DNAH10: variants seen among roughly 807,000 people sequenced by gnomAD.
The protein encoded by DNAH10 is dynein axonemal heavy chain 10, also known as axonemal beta dynein heavy chain 10.
A neutral mutation model predicts 506.6 loss-of-function variants in DNAH10; 348 were observed. That is an observed-to-expected ratio of 0.69 (90% CI 0.63 to 0.75). The LOEUF is 0.75. DNAH10 is among the 30% of genes least tolerant of loss of function. The probability of loss-of-function intolerance (pLI) is 0.00; values close to 1 mark genes in which losing one functional copy is unlikely to be tolerated. For synonymous variants in DNAH10, 2,059 were observed against 2,198.6 expected (o/e 0.94, Z 1.78); for missense variants, 5,179 against 5,787.1 (o/e 0.89, Z 3.41).
chr12:123,861,041 T>C lies in DNAH10; in HGVS notation c.6779T>C (p.Leu2260Pro). 1 of 1,613,990 alleles carries C rather than the reference T, an allele frequency of 6.2e-7. No individual in the cohort carries two copies. Among genetic ancestry groups the C allele is most frequent in the Non-Finnish European group, 8.5e-7 (1 of 1,179,892 alleles). Residue 2260 changes from leucine to proline, a missense_variant, in exon 39 of 79, where the codon CTG (leucine) becomes CCG (proline). Physicochemically the swap from Leu to Pro is moderately conservative, Grantham distance 98. Coordinates refer to ENST00000673944, the MANE Select transcript of DNAH10 (RefSeq NM_001372106.1). ...KLGLTTKLYI[L>P]NPKAVSVIEL... ...GGGCTGACGACAAAGTTGTACATCC[T>C]GAACCCCAAAGCCGTGAGTGTCATA...
At chr12:123,915,093 C>T in intron 62 of DNAH10, 94 bp downstream of exon 62, 2 of 1,433,914 alleles carry the variant, frequency 1.4e-6, no homozygotes, top group Middle Eastern at 2.3e-4. Flanking sequence ...TCCCTAGCCT[C>T]AGCGAGGCTG....
intron 57 of DNAH10, chr12:123,908,510 A>G: frequency 2.2e-6 from 1 of 456,020 alleles, no homozygotes; most frequent in Admixed American, 2.3e-5. Flanking sequence ...GTGGTCTGGG[A>G]GACTCCTGTG....
chr12:123,771,174 T>C (rs979149298), intron 2 of DNAH10, among the ~76,000 whole-genome samples: 2 of 152,152 alleles, frequency 1.3e-5, no homozygotes, highest in East Asian at 3.8e-4. Flanking sequence ...GTTGCCATGC[T>C]GGCCAGGCTG....
intron 52 of DNAH10, among the ~76,000 whole-genome samples, chr12:123,891,547 G>A (rs1357676339): frequency 1.3e-5 from 2 of 152,070 alleles, no homozygotes; most frequent in Non-Finnish European, 2.9e-5. Flanking sequence ...GGTGGAAGAG[G>A]AACGAGCAGA....
At chr12:123,835,788 C>G (rs574923554) in intron 28 of DNAH10, among the ~76,000 whole-genome samples, 1 of 152,228 alleles carries the variant, frequency 6.6e-6, no homozygotes, top group Admixed American at 6.5e-5. Flanking sequence ...CCATGCTCAG[C>G]TAATTAAAAC....
At chr12:123,844,226 G>A (rs1019467590) in intron 30 of DNAH10, among the ~76,000 whole-genome samples, 3 of 152,074 alleles carry the variant, frequency 2.0e-5, no homozygotes, top group Non-Finnish European at 2.9e-5. Flanking sequence ...GAACAGCATG[G>A]GGAAACCGCC....
chr12:123,864,553 G>T, intron 39 of DNAH10, 42 bp from the exon 40 acceptor site: 1 of 1,582,994 alleles, frequency 6.3e-7, no homozygotes, highest in South Asian at 1.2e-5. Flanking sequence ...ATAATTGGAA[G>T]CTCTCTAGGA....
At chr12:123,891,691 C>T (rs1378936032) in intron 52 of DNAH10, among the ~76,000 whole-genome samples, 1 of 152,124 alleles carries the variant, frequency 6.6e-6, no homozygotes, top group African/African-American at 2.4e-5. Flanking sequence ...CTTGGGCTCC[C>T]TGCCAAGGGA....
At chr12:123,827,068 G>A (rs78035324) in intron 25 of DNAH10, among the ~76,000 whole-genome samples, 170 bp downstream of exon 25, 9,173 of 152,240 alleles carry the variant, frequency 0.06, 398 homozygotes, top group Non-Finnish European at 0.089. Flanking sequence ...TCTATGTAAA[G>A]TGTCTGTAAA....
At chr12:123,896,176 G>C (rs1409153795) in intron 54 of DNAH10, among the ~76,000 whole-genome samples, 1 of 151,186 alleles carries the variant, frequency 6.6e-6, no homozygotes, top group Non-Finnish European at 1.5e-5. Flanking sequence ...GAGAGAGAGA[G>C]AGAGAGAGAG....
chr12:123,787,923 G>A lies in DNAH10; in HGVS notation c.1541G>A (p.Trp514Ter). 1 of 1,609,716 alleles carries A rather than the reference G, an allele frequency of 6.2e-7. No homozygotes were observed. The highest frequency in any genetic ancestry group is 8.5e-7 in the Non-Finnish European group (1 of 1,178,190). The change falls in exon 10 of 79, where the codon TGG (tryptophan) becomes TAG (stop). Residue 514 changes from tryptophan (W) to a stop codon, truncating the protein, a stop_gained. Transcript: ENST00000673944. LOFTEE classifies it high-confidence loss of function. The surrounding 1 kb of genome is among the most constrained non-coding windows in gnomAD (Gnocchi z 4.6). ...KIEASGREDR[W>*]EFDRKRLFER... The stretch of plus-strand genomic sequence containing the variant: ...GAGGCTTCGGGGAGGGAAGATCGGT[G>A]GGAGTTTGACCGGAAGCGGCTGTTC...
intron 40 of DNAH10, among the ~76,000 whole-genome samples, chr12:123,865,237 A>T (rs1275797305): frequency 6.7e-6 from 1 of 149,938 alleles, no homozygotes; most frequent in African/African-American, 2.5e-5. Flanking sequence ...TTTTTCCCTC[A>T]CACTATTTGC....
At chr12:123,851,390 A>T (rs565914591) in intron 35 of DNAH10, among the ~76,000 whole-genome samples, 1 of 148,590 alleles carries the variant, frequency 6.7e-6, no homozygotes, top group Non-Finnish European at 1.5e-5. Flanking sequence ...CAGACTGGGG[A>T]CCTAGGATGT....
rs113260327 is a variant in DNAH10, at chr12:123,799,413, G to A, written c.2289+42G>A. The A allele has an allele frequency of 5.6e-3, 8,901 of 1,586,502 alleles. 41 individuals carry two copies. Among genetic ancestry groups the A allele is most frequent in the Non-Finnish European group, 7.1e-3 (8,301 of 1,163,516 alleles). Reference sequence around the variant, plus strand: ...CTCATTCCCGATTGCCGCGTGAGACGATGGCGTCTGCCACATTTTCTCAAG... The same window carrying A: ...CTCATTCCCGATTGCCGCGTGAGACAATGGCGTCTGCCACATTTTCTCAAG... On this transcript the variant is annotated intron_variant, in intron 14 of 78. Transcript: ENST00000673944.
In DNAH10 at chr12:123,926,262, G is replaced by GA. The variant is rs1300897237; in HGVS notation, c.11922-369dup. On this transcript the variant is annotated intron_variant, in intron 68 of 78. Transcript: ENST00000673944. The surrounding 1 kb of genome is among the most constrained non-coding windows in gnomAD (Gnocchi z 4.1). ...TAAAAAAAAAAAAAAAAAAGAAAAA[G>GA]AAAAAACCCACACACAAAACACAAA... 6.9e-6 allele frequency among the ~76,000 whole-genome samples: 1 copy of GA among 145,426 alleles called. No homozygotes were observed. Among genetic ancestry groups the GA allele is most frequent in the Admixed American group, 6.8e-5 (1 of 14,688 alleles).
intron 5 of DNAH10, 37 bp downstream of exon 5, chr12:123,774,301 A>G (rs756187857): frequency 6.8e-7 from 1 of 1,462,614 alleles, no homozygotes; most frequent in Non-Finnish European, 9.4e-7. Flanking sequence ...TAGTATTTCT[A>G]AAGTTGAGGT....
intron 39 of DNAH10, among the ~76,000 whole-genome samples, chr12:123,863,889 C>T (rs1358443550): frequency 6.6e-6 from 1 of 152,136 alleles, no homozygotes; most frequent in Non-Finnish European, 1.5e-5. Context: ...GGGGTTAAAA[C>T]CAGTGATAAA....
chr12:123,806,678 T>A (rs552452021), intron 18 of DNAH10, among the ~76,000 whole-genome samples: 3 of 152,340 alleles, frequency 2.0e-5, no homozygotes, highest in African/African-American at 7.2e-5. Flanking sequence ...GTATTTCATT[T>A]ATTCTCTGTT....
intron 52 of DNAH10, 30 bp from the exon 53 acceptor site, chr12:123,893,203 A>C: frequency 6.2e-7 from 1 of 1,607,836 alleles, no homozygotes; most frequent in Non-Finnish European, 8.5e-7. Context: ...TGGGACTCAG[A>C]GAGATCACCA....
Sources: allele counts gnomAD v4.1 joint callset (sites outside exome capture counted in the v4.1 genomes callset), GRCh38; gene constraint gnomAD v4.1.1; non-coding constraint Gnocchi (gnomAD v3.1); transcripts MANE v1.5; gene names NCBI Gene and HGNC (gene_info 2026-07-23, HGNC 2026-07-21).